TMEM117: variants seen among roughly 807,000 people sequenced by gnomAD.
The protein encoded by TMEM117 is transmembrane protein 117.
TMEM117 carries 27 observed loss-of-function variants against 52.4 expected under a neutral mutation model. The observed-to-expected ratio is 0.51, with a 90% CI of 0.38 to 0.71. The LOEUF is 0.71. Among genes scored for constraint, TMEM117 ranks in the 30% least tolerant of loss-of-function variants. The pLI is 0.00. For missense variants in TMEM117, 556 were observed against 630.5 expected, an observed-to-expected ratio of 0.88 and a Z score of 1.26; for synonymous variants, 215 against 206.3, an observed-to-expected ratio of 1.04 and a Z score of -0.36.
chr12:43,806,507 C>T, the TMEM117 span: 1 of 597,788 alleles, frequency 1.7e-6, no homozygotes, highest in Non-Finnish European at 2.2e-6. Flanking sequence ...TTGCCGCCGC[C>T]TCTCCCGCTT....
chr12:44,011,722 T>A (rs1052646943), intron 3 of TMEM117, among the ~76,000 whole-genome samples: 17 of 152,092 alleles, frequency 1.1e-4, no homozygotes, highest in Non-Finnish European at 2.4e-4. Flanking sequence ...AGTAAGATAT[T>A]AATAATATTA....
chr12:44,136,875 A>G (rs1317524754), intron 3 of TMEM117, among the ~76,000 whole-genome samples: 6 of 152,030 alleles, frequency 3.9e-5, no homozygotes, highest in African/African-American at 1.2e-4. Context: ...CTCTATTCTA[A>G]CTTTGTTAGA....
chr12:44,251,081 T>A (rs1950192302), intron 5 of TMEM117, among the ~76,000 whole-genome samples: 1 of 152,138 alleles, frequency 6.6e-6, no homozygotes, highest in Non-Finnish European at 1.5e-5. Context: ...TGACTCAGCA[T>A]TACATATTGT....
At position 44,316,069 on chromosome 12, in the gene TMEM117, T is replaced by C. The variant is rs562073386; in HGVS notation, c.768+16330T>C. The stretch of plus-strand genomic sequence containing the variant: ...AGTGAAGCATTTAGACTATTTTCAC[T>C]CAAGGTTAATATTGTCATGTGTGGT... On this transcript the variant is annotated intron_variant, in intron 6 of 7. Transcript: ENST00000266534. 1.3e-4 allele frequency among the ~76,000 whole-genome samples: 20 copies of C among 152,312 alleles called. 1 individual carries two copies. Among genetic ancestry groups the C allele is most frequent in the Admixed American group, 1.2e-3 (18 of 15,300 alleles).
intron 5 of TMEM117, among the ~76,000 whole-genome samples, chr12:44,226,731 A>G (rs974718941): frequency 2.0e-5 from 3 of 152,100 alleles, no homozygotes; most frequent in Admixed American, 6.6e-5. Flanking sequence ...ACACACACAG[A>G]GTGTAGATTA....
chr12:43,863,892 T>A (rs1943534000), intron 2 of TMEM117, among the ~76,000 whole-genome samples: 1 of 151,544 alleles, frequency 6.6e-6, no homozygotes, highest in South Asian at 2.1e-4. Flanking sequence ...TGCAGGGAGG[T>A]GTGGAGGGAG....
chr12:43,905,753 T>C (rs1944375954), intron 2 of TMEM117, among the ~76,000 whole-genome samples: 1 of 152,178 alleles, frequency 6.6e-6, no homozygotes, highest in African/African-American at 2.4e-5. Flanking sequence ...ATCTTTATAT[T>C]TTTAGAGAAG....
intron 6 of TMEM117, among the ~76,000 whole-genome samples, chr12:44,317,251 C>T (rs1255200670): frequency 6.7e-6 from 1 of 148,308 alleles, no homozygotes; most frequent in Non-Finnish European, 1.5e-5. Flanking sequence ...TTAATATTTT[C>T]ATGTGAATAG....
chr12:44,149,100 G>A (rs79338097), intron 4 of TMEM117, among the ~76,000 whole-genome samples: 2,650 of 152,250 alleles, frequency 0.017, 60 homozygotes, highest in East Asian at 0.057. Flanking sequence ...TCCCAAAATG[G>A]TGATGTCATT....
At chr12:44,025,495 CTATT>C (rs1946519173) in intron 3 of TMEM117, among the ~76,000 whole-genome samples, 1 of 152,086 alleles carries the variant, frequency 6.6e-6, no homozygotes, top group Non-Finnish European at 1.5e-5. Flanking sequence ...TAAATTAACC[CTATT>C]TAAAGATAGA....
intron 2 of TMEM117, among the ~76,000 whole-genome samples, chr12:43,908,581 T>C (rs1424710880): frequency 6.6e-6 from 1 of 151,428 alleles, no homozygotes; most frequent in African/African-American, 2.4e-5. Flanking sequence ...GACCCATCAG[T>C]GTGCTGTATT....
intron 3 of TMEM117, among the ~76,000 whole-genome samples, chr12:44,098,408 T>G (rs926653618): frequency 4.7e-5 from 7 of 149,256 alleles, no homozygotes; most frequent in Admixed American, 1.3e-4. Flanking sequence ...TTAAGTCATC[T>G]CACAAATGCC....
intron 2 of TMEM117, among the ~76,000 whole-genome samples, chr12:43,917,023 G>A (rs944317501): frequency 1.3e-5 from 2 of 148,938 alleles, no homozygotes; most frequent in Non-Finnish European, 3.0e-5. Flanking sequence ...TTTATTTACG[G>A]CCTCCCTATG....
intron 3 of TMEM117, among the ~76,000 whole-genome samples, chr12:43,948,405 A>G (rs879817114): frequency 2.0e-5 from 3 of 151,708 alleles, no homozygotes; most frequent in Non-Finnish European, 4.4e-5. Context: ...TCCTGGGTTC[A>G]TGCCATTCTC....
intron 2 of TMEM117, among the ~76,000 whole-genome samples, chr12:43,889,170 C>T (rs1944055682): frequency 6.6e-6 from 1 of 151,670 alleles, no homozygotes; most frequent in South Asian, 2.1e-4. Flanking sequence ...GCAACCTCCG[C>T]CTCCCGGGTA....
intron 3 of TMEM117, among the ~76,000 whole-genome samples, chr12:44,115,383 A>G (rs779816383): frequency 1.3e-5 from 2 of 152,204 alleles, no homozygotes; most frequent in Non-Finnish European, 2.9e-5. Flanking sequence ...GGTGCAGCAC[A>G]CAAACATGGC....
intron 7 of TMEM117, among the ~76,000 whole-genome samples, chr12:44,380,513 C>T (rs1172818463): frequency 1.3e-5 from 2 of 152,162 alleles, no homozygotes; most frequent in Non-Finnish European, 2.9e-5. Flanking sequence ...TACACTGAAG[C>T]AATGGAGCAA....
intron 2 of TMEM117, among the ~76,000 whole-genome samples, chr12:43,866,647 C>G (rs188097092): frequency 3.3e-5 from 5 of 152,296 alleles, no homozygotes; most frequent in African/African-American, 1.2e-4. Context: ...CAGACCTGCT[C>G]TACAAGAAAT....
intron 3 of TMEM117, among the ~76,000 whole-genome samples, chr12:44,088,012 A>G (rs1049102309): frequency 6.6e-6 from 1 of 152,216 alleles, no homozygotes; most frequent in Non-Finnish European, 1.5e-5. Context: ...TCTGGAAAAT[A>G]CAAATGTACA....
Sources: allele counts gnomAD v4.1 joint callset (sites outside exome capture counted in the v4.1 genomes callset), GRCh38; gene constraint gnomAD v4.1.1; transcripts MANE v1.5; gene names NCBI Gene and HGNC (gene_info 2026-07-23, HGNC 2026-07-21).